The following EYA1 variants were observed in gnomAD, a reference collection of about 807,000 sequenced individuals.
EYA1 encodes the protein EYA transcriptional coactivator and phosphatase 1.
In EYA1, 16 loss-of-function variants were observed where a neutral mutation model predicts 82.0. That is an observed-to-expected ratio of 0.20 (90% confidence interval 0.13 to 0.30). EYA1 has a LOEUF of 0.30. Ranked by LOEUF, EYA1 falls within the 10% of genes least tolerant of loss-of-function variation. The pLI is 1.00. For synonymous variants in EYA1, 261 were observed against 264.4 expected, an observed-to-expected ratio of 0.99 and a Z score of 0.12; for missense variants, 633 against 730.7, an observed-to-expected ratio of 0.87 and a Z score of 1.54.
At chr8:71,418,968 AAGCACCTGAAAATCTGCAAGGCAGTTATT>A (rs775232316) in intron 2 of EYA1, among the ~76,000 whole-genome samples, 3 of 152,194 alleles carry the variant, frequency 2.0e-5, no homozygotes, top group Non-Finnish European at 4.4e-5. Flanking sequence ...AATACGCTTA[AAGCACCTGAAAATCTGCAAGGCAGTTATT>A]GTTGCTGGAG....
chr8:71,229,473 A>G lies in EYA1; in HGVS notation c.1141-12450T>C, dbSNP rs563870386. On this transcript the variant is annotated intron_variant, in intron 12 of 17. Transcript: ENST00000340726. ...CTCTTTGAAGAAAAGACCATCTTTC[A>G]CGTGTCTTTTTTTCCTACTTATTTT... 2.6e-5 allele frequency among the ~76,000 whole-genome samples: 4 copies of G among 152,296 alleles called. No individual in the cohort carries two copies. In the South Asian group the frequency reaches 8.3e-4, roughly 32 times the overall value.
At chr8:71,230,164 C>T (rs1811025404) in intron 12 of EYA1, among the ~76,000 whole-genome samples, 1 of 151,800 alleles carries the variant, frequency 6.6e-6, no homozygotes, top group Admixed American at 6.6e-5. Context: ...TTGCACTATT[C>T]AACCTTAAAA....
At chr8:71,448,148 C>T (rs537394389) in intron 2 of EYA1, among the ~76,000 whole-genome samples, 10 of 152,006 alleles carry the variant, frequency 6.6e-5, no homozygotes, top group Middle Eastern at 3.4e-3. Flanking sequence ...CAGGCACATG[C>T]TACCATGCCT....
chr8:71,198,645 T>A lies in EYA1; in HGVS notation c.*695A>T, dbSNP rs1475273271. 1 of 153,182 alleles carries A rather than the reference T, an allele frequency of 6.5e-6. No individual in the cohort carries two copies. The highest frequency in any genetic ancestry group is 6.5e-5 in the Admixed American group (1 of 15,334). 9.5% of individuals were successfully genotyped at this position (153,182 alleles called of 1,614,324 possible). ...TCTGTACATGATTGTCTCAGTGATG[T>A]ACATATTATACGTTTAAATTAGACA... is the stretch of plus-strand genomic sequence containing the variant. On this transcript the variant is annotated 3_prime_UTR_variant, in exon 18 of 18. Transcript: ENST00000340726.
At chr8:71,523,941 G>A (rs1296793223) in intron 2 of EYA1, among the ~76,000 whole-genome samples, 2 of 152,132 alleles carry the variant, frequency 1.3e-5, no homozygotes, top group Non-Finnish European at 2.9e-5. Context: ...ATCTGATTTT[G>A]TTAGTCCCCA....
At chr8:71,388,265 A>G (rs1430839951) in intron 2 of EYA1, among the ~76,000 whole-genome samples, 8 of 152,196 alleles carry the variant, frequency 5.3e-5, no homozygotes, top group Middle Eastern at 3.2e-3. Flanking sequence ...TAAGGGTTGA[A>G]AAGTGTCCAT....
At chr8:71,536,938 A>G (rs1814754985) in intron 1 of EYA1, among the ~76,000 whole-genome samples, 1 of 152,248 alleles carries the variant, frequency 6.6e-6, no homozygotes, top group African/African-American at 2.4e-5. Context: ...CTGGAAAATG[A>G]GAAATTTTAA....
At chr8:71,407,250 T>C (rs1304765365) in intron 2 of EYA1, among the ~76,000 whole-genome samples, 1 of 142,224 alleles carries the variant, frequency 7.0e-6, no homozygotes, top group African/African-American at 2.6e-5. Flanking sequence ...AGACCAAAAG[T>C]AGATAAAACC....
intron 11 of EYA1, among the ~76,000 whole-genome samples, chr8:71,266,808 A>G (rs998910687): frequency 1.3e-5 from 2 of 151,308 alleles, no homozygotes; most frequent in African/African-American, 4.9e-5. Context: ...CCAACACTGA[A>G]CTCTCCCTTC....
At chr8:71,381,613 T>G (rs1055008073) in intron 2 of EYA1, among the ~76,000 whole-genome samples, 1 of 152,230 alleles carries the variant, frequency 6.6e-6, no homozygotes, top group African/African-American at 2.4e-5. Context: ...AAAAAATATG[T>G]ATTACACTCA....
intron 2 of EYA1, among the ~76,000 whole-genome samples, chr8:71,389,970 T>G (rs1228666717): frequency 6.6e-6 from 1 of 152,202 alleles, no homozygotes; most frequent in Non-Finnish European, 1.5e-5. Context: ...ATTTATCATT[T>G]ATTGAATTTA....
In EYA1 at chr8:71,414,759, C is replaced by T. The variant is rs556545845; in HGVS notation, c.34-58248G>A. Among the ~76,000 whole-genome samples the T allele has an allele frequency of 2.0e-5, 3 of 152,284 alleles. No individual in the cohort carries two copies. The South Asian group carries it at 6.2e-4, about 32-fold the overall frequency. On this transcript the variant is annotated intron_variant, in intron 2 of 18. Coordinates refer to the EYA1 transcript ENST00000643681. ...ATTCTGAAGGTAGATTTCCTTTTTA[C>T]TCAGAGAAAGGGACATATGCATCTG...
At chr8:71,430,415 G>A (rs1470099191) in intron 2 of EYA1, among the ~76,000 whole-genome samples, 1 of 152,184 alleles carries the variant, frequency 6.6e-6, no homozygotes, top group Non-Finnish European at 1.5e-5. Context: ...CGCTATACTT[G>A]AGTACAAAGA....
At chr8:71,458,465 G>A (rs1808124865) in intron 2 of EYA1, among the ~76,000 whole-genome samples, 1 of 151,528 alleles carries the variant, frequency 6.6e-6, no homozygotes, top group South Asian at 2.1e-4. Flanking sequence ...ACATGGCCAG[G>A]GAATGCTTTT....
At chr8:71,325,054 C>T (rs974319337) in intron 4 of EYA1, among the ~76,000 whole-genome samples, 5 of 152,262 alleles carry the variant, frequency 3.3e-5, no homozygotes, top group African/African-American at 7.2e-5. Context: ...CACAATCATT[C>T]GACAGTGCAC....
intron 11 of EYA1, among the ~76,000 whole-genome samples, chr8:71,247,756 T>C (rs903807886): frequency 2.6e-5 from 4 of 152,170 alleles, no homozygotes; most frequent in African/African-American, 4.8e-5. Flanking sequence ...TACAGCTGAA[T>C]TAACCTGTAG....
At chr8:71,287,893 C>T (rs1363751427) in intron 9 of EYA1, among the ~76,000 whole-genome samples, 5 of 152,212 alleles carry the variant, frequency 3.3e-5, no homozygotes, top group African/African-American at 1.2e-4. Context: ...TAGCCACTTA[C>T]ATCATTTCAT....
chr8:71,530,620 A>G (rs1277413505), intron 2 of EYA1, among the ~76,000 whole-genome samples: 1 of 152,216 alleles, frequency 6.6e-6, no homozygotes, highest in Non-Finnish European at 1.5e-5. Context: ...TCACTTCTAC[A>G]TGTGTATTAT....
intron 2 of EYA1, among the ~76,000 whole-genome samples, chr8:71,516,446 AT>A (rs1377166814): frequency 1.3e-5 from 2 of 152,164 alleles, no homozygotes; most frequent in Non-Finnish European, 2.9e-5. Context: ...TGACTTCTAT[AT>A]AGAAGGTGGC....
Sources: allele counts gnomAD v4.1 joint callset (sites outside exome capture counted in the v4.1 genomes callset), GRCh38; gene constraint gnomAD v4.1.1; transcripts MANE v1.5; gene names NCBI Gene and HGNC (gene_info 2026-07-23, HGNC 2026-07-21).